ANKRD42: variants seen among roughly 807,000 people sequenced by gnomAD.
ANKRD42 encodes ankyrin repeat domain-containing protein 42.
A neutral mutation model predicts 51.5 loss-of-function variants in ANKRD42; 43 were observed. That is an observed-to-expected ratio of 0.83 (90% CI 0.65 to 1.08). The LOEUF (loss-of-function observed/expected upper bound fraction) is 1.08. ANKRD42 is among the 50% of genes least tolerant of loss of function. ANKRD42 has a pLI of 0.00. For synonymous variants in ANKRD42, 203 were observed against 213.0 expected (o/e 0.95, Z 0.41); for missense variants, 608 against 629.3 (o/e 0.97, Z 0.36).
At chr11:83,240,671 A>G (rs1252766780) in intron 8 of ANKRD42, 88 bp from the exon 9 acceptor site, 13 of 1,438,862 alleles carry the variant, frequency 9.0e-6, no homozygotes, top group Non-Finnish European at 1.2e-5. Flanking sequence ...CAGGGTGTAC[A>G]GAGTGTAATC....
chr11:83,258,518 G>A (rs771199524), downstream of ANKRD42, among the ~76,000 whole-genome samples: 7 of 152,072 alleles, frequency 4.6e-5, no homozygotes, highest in Non-Finnish European at 1.0e-4. Context: ...TACTTGCTGG[G>A]GGACTGTGGA....
rs11403803 is a variant in ANKRD42, at chr11:83,228,231, C to CTTTTTTTTTT, written c.913+388_913+397dup. Among the ~76,000 whole-genome samples, 12 of 59,020 alleles carry CTTTTTTTTTT rather than the reference C, an allele frequency of 2.0e-4. 4 individuals carry two copies. The highest frequency in any genetic ancestry group is 3.6e-4 in the Non-Finnish European group (11 of 30,786). 38.7% of individuals were successfully genotyped at this position (59,020 alleles called of 152,430 possible). A position where few individuals can be genotyped will look rare whatever the true frequency, so the allele number is the denominator to read the frequency against. ...AAATAGAAATCATCCCTCTCTCTCTCTTTTTTTTTTTTTTTTTTTTTTTTT... is the reference window on the plus strand; with the variant it reads ...AAATAGAAATCATCCCTCTCTCTCTCTTTTTTTTTTTTTTTTTTTTTTTTTTTTTTTTTTT... On this transcript the variant is annotated intron_variant, in intron 7 of 10. Transcript: ENST00000533342.
At chr11:83,222,755 C>G (rs1862753227) in intron 5 of ANKRD42, among the ~76,000 whole-genome samples, 1 of 152,108 alleles carries the variant, frequency 6.6e-6, no homozygotes, top group Admixed American at 6.5e-5. Context: ...TAAGAGGAGC[C>G]ATTAGAGGGT....
chr11:83,207,564 G>A (rs983025273), intron 3 of ANKRD42, among the ~76,000 whole-genome samples: 3 of 152,204 alleles, frequency 2.0e-5, no homozygotes, highest in African/African-American at 7.2e-5. Flanking sequence ...GTATTATAGA[G>A]GCAGGCAATA....
At chr11:83,242,567 G>GTTTTTTT (rs539259244) in intron 9 of ANKRD42, among the ~76,000 whole-genome samples, 17 of 115,540 alleles carry the variant, frequency 1.5e-4, no homozygotes, top group African/African-American at 4.8e-4. Context: ...TGGTAGTTAA[G>GTTTTTTT]TTTTTTTTTT....
chr11:83,198,921 A>T (rs995803248), intron 2 of ANKRD42, among the ~76,000 whole-genome samples: 1 of 152,184 alleles, frequency 6.6e-6, no homozygotes, highest in South Asian at 2.1e-4. Context: ...CTGGGGCTTC[A>T]GCTGGAATAT....
chr11:83,245,161 C>T (rs1863505633), intron 9 of ANKRD42, among the ~76,000 whole-genome samples: 1 of 152,232 alleles, frequency 6.6e-6, no homozygotes, highest in Admixed American at 6.5e-5. Context: ...GCCTCGGCCT[C>T]CCAAAGTGCT....
At chr11:83,216,119 A>C (rs1417384774) in intron 5 of ANKRD42, among the ~76,000 whole-genome samples, 1 of 151,830 alleles carries the variant, frequency 6.6e-6, no homozygotes, top group African/African-American at 2.4e-5. Flanking sequence ...TGTATTTCCT[A>C]TCTCTTAACA....
At chr11:83,235,599 G>A (rs1863200031) in intron 7 of ANKRD42, among the ~76,000 whole-genome samples, 1 of 152,200 alleles carries the variant, frequency 6.6e-6, no homozygotes, top group African/African-American at 2.4e-5. Context: ...GTCGTCTGAG[G>A]ATATGAAGAT....
intron 7 of ANKRD42, among the ~76,000 whole-genome samples, chr11:83,232,387 T>C (rs528920676): frequency 5.2e-4 from 79 of 152,256 alleles, no homozygotes; most frequent in Non-Finnish European, 8.2e-4. Flanking sequence ...ATTTCCTTTT[T>C]GGATTGTTCA....
chr11:83,245,595 G>A lies in ANKRD42; in HGVS notation c.1293G>A (p.Lys431=). ...GAGGCATAACAGAAGAAGATTTAAA[G>A]CAGAAGAAAGAACAGCTTGAGTCTG... ...HLGGITEEDL[K]QKKEQLESEK... is the part of the protein sequence containing the mutation. The change falls in exon 10 of 11, where the codon AAG becomes AAA. Residue 431 remains lysine (K), a synonymous_variant. Coordinates refer to ENST00000533342, the MANE Select transcript of ANKRD42 (RefSeq NM_001300975.2). 4 of 1,536,554 alleles carry A rather than the reference G, an allele frequency of 2.6e-6. No individual in the cohort carries two copies. Among genetic ancestry groups the A allele is most frequent in the Non-Finnish European group, 3.5e-6 (4 of 1,146,982 alleles).
chr11:83,256,062 A>C, exon 12 of ANKRD42: 3 of 629,472 alleles, frequency 4.8e-6, no homozygotes, highest in Non-Finnish European at 7.6e-6. Context: ...TGATGGCAGA[A>C]ATGTTATATT....
chr11:83,210,870 G>A (rs1211825539), intron 4 of ANKRD42, among the ~76,000 whole-genome samples: 1 of 152,190 alleles, frequency 6.6e-6, no homozygotes, highest in Non-Finnish European at 1.5e-5. Flanking sequence ...AATAAATAAC[G>A]TAGAAGAAGA....
At chr11:83,262,086 C>T, downstream of ANKRD42, 1 of 638,816 alleles carries the variant, frequency 1.6e-6, no homozygotes, top group Non-Finnish European at 2.6e-6. Context: ...AATTTTCTAT[C>T]CTATGTTTTT....
At chr11:83,262,981 T>C (rs771159450), downstream of ANKRD42, among the ~76,000 whole-genome samples, 9 of 152,164 alleles carry the variant, frequency 5.9e-5, no homozygotes, top group Admixed American at 2.0e-4. Flanking sequence ...AACCATGAGA[T>C]TGGTGGTATT....
At chr11:83,194,838 C>T (rs557140069) in intron 1 of ANKRD42, 110 bp downstream of exon 1, 20 of 1,125,900 alleles carry the variant, frequency 1.8e-5, no homozygotes, top group Admixed American at 2.5e-5. Flanking sequence ...GTCACTCCCC[C>T]CTTTCCCTTT....
intron 9 of ANKRD42, among the ~76,000 whole-genome samples, chr11:83,243,968 T>G (rs1159496983): frequency 1.4e-4 from 3 of 21,006 alleles, no homozygotes; most frequent in African/African-American, 5.5e-4. Context: ...CTGGCTGCCC[T>G]TTTTTTTTTT....
chr11:83,261,827 G>C, downstream of ANKRD42: 1 of 924,534 alleles, frequency 1.1e-6, no homozygotes, highest in East Asian at 2.5e-5. Context: ...GTAAATTTTT[G>C]CTGCAACTGA....
intron 5 of ANKRD42, among the ~76,000 whole-genome samples, chr11:83,220,889 G>C (rs993333362): frequency 1.3e-5 from 2 of 149,276 alleles, no homozygotes; most frequent in South Asian, 2.1e-4. Flanking sequence ...GAATCTGTTT[G>C]GTGTTCTGAG....
Sources: allele counts gnomAD v4.1 joint callset (sites outside exome capture counted in the v4.1 genomes callset), GRCh38; gene constraint gnomAD v4.1.1; transcripts MANE v1.5; gene names NCBI Gene and HGNC (gene_info 2026-07-23, HGNC 2026-07-21).